KIF17: variants seen among roughly 807,000 people sequenced by gnomAD.
KIF17 encodes kinesin-like protein KIF17.
Under a neutral mutation model 96.8 loss-of-function variants are expected in KIF17, and 80 were observed. The observed-to-expected ratio is 0.83, with a 90% CI of 0.69 to 1.00. The LOEUF (loss-of-function observed/expected upper bound fraction) is 1.00, where lower values mean the gene tolerates loss of function less well. KIF17 is among the 50% of genes least tolerant of loss of function. KIF17 has a pLI of 0.00. For synonymous variants in KIF17, 567 were observed against 587.5 expected, an observed-to-expected ratio of 0.97 and a Z score of 0.51; for missense variants, 1,280 against 1,372.9, an observed-to-expected ratio of 0.93 and a Z score of 1.07.
At chr1:20,686,157 A>G in intron 8 of KIF17, 31 bp from the exon 9 acceptor site, 1 of 1,542,890 alleles carries the variant, frequency 6.5e-7, no homozygotes, top group East Asian at 2.4e-5. Context: ...GAGGAGAAAG[A>G]AGGCTGATTT....
chr1:20,717,556 G>T lies in KIF17; in HGVS notation c.151C>A (p.Gln51Lys). Residue 51 changes from glutamine to lysine, a missense_variant, in exon 1 of 15, where the codon CAG (glutamine) becomes AAG (lysine). Coordinates refer to ENST00000400463, the MANE Select transcript of KIF17 (RefSeq NM_001122819.3). ...TGGTAGGCGCCGTCGAAGGTGAACT[G>T]CTTGGGCGGCTCGTCGGCGGCGCCC... ...NPGAADEPPK[Q>K]FTFDGAYHVD... The T allele has an allele frequency of 6.2e-7, 1 of 1,611,466 alleles. No homozygotes were observed. Among genetic ancestry groups the T allele is most frequent in the South Asian group, 1.1e-5 (1 of 90,942 alleles).
In KIF17 at chr1:20,700,471, G is replaced by A. The variant is rs1485792960; in HGVS notation, c.1124-1983C>T. Among the ~76,000 whole-genome samples the A allele has an allele frequency of 6.6e-6, 1 of 152,208 alleles. No individual in the cohort carries two copies. The highest frequency in any genetic ancestry group is 1.5e-5 in the Non-Finnish European group (1 of 68,036). ...AAGCCAGGGGCGACCCCAAGTGTCT[G>A]GTTTGAACACCTGAGTTGCCTCTGT... On this transcript the variant is annotated intron_variant, in intron 5 of 14. Coordinates refer to ENST00000400463, the MANE Select transcript of KIF17 (RefSeq NM_001122819.3). The surrounding 1 kb of genome is among the most constrained non-coding windows in gnomAD (Gnocchi z 4.6).
intron 5 of KIF17, among the ~76,000 whole-genome samples, chr1:20,703,170 G>GATGGATGAATGGATGGATGA (rs2054269225): frequency 6.9e-6 from 1 of 144,976 alleles, no homozygotes; most frequent in Non-Finnish European, 1.5e-5. Flanking sequence ...GATGGAGATG[G>GATGGATGAATGGATGGATGA]ATGGATGAAT....
At chr1:20,712,863 T>TCTATAACATAGATAATATTATCTATATC (rs1306438961) in intron 3 of KIF17, among the ~76,000 whole-genome samples, 1 of 38,044 alleles carries the variant, frequency 2.6e-5, no homozygotes, top group African/African-American at 7.7e-5. Flanking sequence ...ATTATCTATA[T>TCTATAACATAGATAATATTATCTATATC]TATAGATATT....
At chr1:20,674,169 T>C (rs1289190931) in intron 11 of KIF17, among the ~76,000 whole-genome samples, 1 of 152,170 alleles carries the variant, frequency 6.6e-6, no homozygotes, top group African/African-American at 2.4e-5. Context: ...CCTCAAGCAG[T>C]CTTTCTGCCT....
At chr1:20,705,852 T>C (rs1023285790) in intron 4 of KIF17, among the ~76,000 whole-genome samples, 1 of 143,750 alleles carries the variant, frequency 7.0e-6, no homozygotes, top group Non-Finnish European at 1.5e-5. Context: ...AGAGCCGCTC[T>C]GGGCTGTAGG....
At chr1:20,716,787 G>A (rs1379582663) in intron 1 of KIF17, among the ~76,000 whole-genome samples, 3 of 152,160 alleles carry the variant, frequency 2.0e-5, no homozygotes, top group South Asian at 4.1e-4. Context: ...CTATTCATTC[G>A]ACAGGGACTA....
chr1:20,686,226 C>T, intron 8 of KIF17, 100 bp from the exon 9 acceptor site: 3 of 909,402 alleles, frequency 3.3e-6, no homozygotes, highest in Non-Finnish European at 5.3e-6. Flanking sequence ...CCCAAGGCCT[C>T]CCACCACCCC....
chr1:20,689,554 G>C (rs2054002352), intron 7 of KIF17, among the ~76,000 whole-genome samples: 1 of 152,144 alleles, frequency 6.6e-6, no homozygotes, highest in Admixed American at 6.5e-5. Flanking sequence ...AGGAGACTGA[G>C]GCACGAGAAT....
chr1:20,707,305 A>G (rs1246681851), intron 4 of KIF17, among the ~76,000 whole-genome samples: 1 of 152,186 alleles, frequency 6.6e-6, no homozygotes, highest in African/African-American at 2.4e-5. Flanking sequence ...CTGGAAACCA[A>G]TTGTCAAGGA....
At chr1:20,703,172 TGGATGAATGGATGGAC>T (rs1362564516) in intron 5 of KIF17, among the ~76,000 whole-genome samples, 1 of 135,472 alleles carries the variant, frequency 7.4e-6, no homozygotes, top group African/African-American at 3.4e-5. Context: ...TGGAGATGGA[TGGATGAATGGATGGAC>T]GGATGGATGG....
At position 20,684,948 on chromosome 1, in the gene KIF17, G is replaced by T. The variant is rs1265611333; in HGVS notation, c.2092C>A (p.Gln698Lys). ...TAEPGVWLEA[Q>K]APVALVAQPE... Reference sequence around the variant, plus strand: ...TGAGCCACCAGGGCCACCGGGGCCTGAGCCTCCAACCACACGCCAGGCTCT... The same window carrying T: ...TGAGCCACCAGGGCCACCGGGGCCTTAGCCTCCAACCACACGCCAGGCTCT... The change falls in exon 10 of 15, where the codon CAG becomes AAG. Residue 698 changes from glutamine (Q) to lysine (K), a missense_variant. Transcript: ENST00000400463. 47 of 1,603,788 alleles carry T rather than the reference G, an allele frequency of 2.9e-5. No homozygotes were observed. Among genetic ancestry groups the T allele is most frequent in the Non-Finnish European group, 3.8e-5 (45 of 1,175,652 alleles).
At position 20,700,228 on chromosome 1, in the gene KIF17, G is replaced by T. The variant is rs1207060726; in HGVS notation, c.1124-1740C>A. 6.6e-6 allele frequency among the ~76,000 whole-genome samples: 1 copy of T among 152,052 alleles called. No individual in the cohort carries two copies. Among genetic ancestry groups the T allele is most frequent in the Non-Finnish European group, 1.5e-5 (1 of 68,022 alleles). On this transcript the variant is annotated intron_variant, in intron 5 of 14. Coordinates refer to ENST00000400463, the MANE Select transcript of KIF17 (RefSeq NM_001122819.3). The surrounding 1 kb of genome is among the most constrained non-coding windows in gnomAD (Gnocchi z 4.6). ...TGCGACTACAGGTGTGCGCCACTACGCCTGGCTAATATTTTCTATTTTAGT... is the reference window on the plus strand; with the variant it reads ...TGCGACTACAGGTGTGCGCCACTACTCCTGGCTAATATTTTCTATTTTAGT...
At chr1:20,662,078 C>T (rs978502073), downstream of KIF17, among the ~76,000 whole-genome samples, 14 of 152,258 alleles carry the variant, frequency 9.2e-5, no homozygotes, top group African/African-American at 3.4e-4. Context: ...GTTTCCCTGG[C>T]TGTAAATAGG....
chr1:20,687,849 C>T lies in KIF17; in HGVS notation c.1477G>A (p.Glu493Lys), dbSNP rs773479871. 3.1e-5 allele frequency: 50 copies of T among 1,613,984 alleles called. 1 individual carries two copies. In the South Asian group the frequency reaches 4.2e-4, roughly 13 times the overall value. Residue 493 changes from glutamate to lysine, a missense_variant, in exon 8 of 15, where the codon GAG becomes AAG. Physicochemically the swap from Glu to Lys is moderately conservative, Grantham distance 56. Coordinates refer to ENST00000400463, the MANE Select transcript of KIF17 (RefSeq NM_001122819.3). The surrounding 1 kb of genome is among the most constrained non-coding windows in gnomAD (Gnocchi z 4.4). ...AAGACCTTGGGTTTCACCACTGTCT[C>T]ATACTGAAAAGCAGGCGGGTACTCA... ...SAEYPPAFQY[E>K]TVVKPKVFST...
chr1:20,687,787 G>A lies in KIF17; in HGVS notation c.1539C>T (p.Ser513=), dbSNP rs2053966093. Residue 513 remains serine (S), a synonymous_variant, in exon 8 of 15, where the codon TCC becomes TCT. Coordinates refer to ENST00000400463, the MANE Select transcript of KIF17 (RefSeq NM_001122819.3). This position sits in a 1 kb window ranked among gnomAD's most constrained non-coding sequence, Gnocchi z 4.4. ...TTDTLPSDDV[S]KTQVSSRFAE... ...CAAACCTGGAGGAAACCTGAGTCTT[G>A]GAGACATCGTCACTGGGCAGAGTGT... is the stretch of plus-strand genomic sequence containing the variant. 6.2e-7 allele frequency: 1 copy of A among 1,614,156 alleles called. No homozygotes were observed. The highest frequency in any genetic ancestry group is 8.5e-7 in the Non-Finnish European group (1 of 1,180,024).
chr1:20,672,230 A>G lies in KIF17; in HGVS notation c.2464-34T>C, dbSNP rs544775078. ...AAAGGATGACAAGCAGTGAGCAGGG[A>G]AAGATACCTCCCCTTCCATCTAACC... On this transcript the variant is annotated intron_variant, in intron 11 of 14. Coordinates refer to ENST00000400463, the MANE Select transcript of KIF17 (RefSeq NM_001122819.3). This position sits in a 1 kb window ranked among gnomAD's most constrained non-coding sequence, Gnocchi z 4.3. The G allele has an allele frequency of 1.2e-6, 2 of 1,612,418 alleles. No individual in the cohort carries two copies. The highest frequency in any genetic ancestry group is 1.1e-5 in the South Asian group (1 of 90,912).
Position 20,717,832 on chromosome 1 carries a change from G to A in KIF17, c.-126C>T. ...GGCGGGGCCTTGAGGCAGGGGCGGG[G>A]CCGCGGCGGGGGGCGGGGACCCCTC... On this transcript the variant is annotated 5_prime_UTR_variant, in exon 1 of 15. Transcript: ENST00000400463. The A allele has an allele frequency of 4.2e-6, 4 of 955,092 alleles. No homozygotes were observed. The highest frequency in any genetic ancestry group is 5.0e-5 in the South Asian group (1 of 20,070). 59.2% of individuals were successfully genotyped at this position (955,092 alleles called of 1,614,324 possible). A position where few individuals can be genotyped will look rare whatever the true frequency, so the allele number is the denominator to read the frequency against.
Position 20,672,258 on chromosome 1 carries a change from C to G in KIF17, c.2464-62G>C, listed in dbSNP as rs978507730. On this transcript the variant is annotated intron_variant, in intron 11 of 14. Coordinates refer to ENST00000400463, the MANE Select transcript of KIF17 (RefSeq NM_001122819.3). The surrounding 1 kb of genome is among the most constrained non-coding windows in gnomAD (Gnocchi z 4.3). ...GATACCTCCCCTTCCATCTAACCAC[C>G]CTGTCCACTCACTGTCCTGCCAGCA... 3 of 1,596,008 alleles carry G rather than the reference C, an allele frequency of 1.9e-6. No homozygotes were observed. The highest frequency in any genetic ancestry group is 2.6e-6 in the Non-Finnish European group (3 of 1,172,994).
Sources: allele counts gnomAD v4.1 joint callset (sites outside exome capture counted in the v4.1 genomes callset), GRCh38; gene constraint gnomAD v4.1.1; non-coding constraint Gnocchi (gnomAD v3.1); transcripts MANE v1.5; gene names NCBI Gene and HGNC (gene_info 2026-07-23, HGNC 2026-07-21).